BEND2: variants seen among roughly 807,000 people sequenced by gnomAD.
BEND2 encodes the protein BEN domain containing 2.
A neutral mutation model predicts 43.8 loss-of-function variants in BEND2; 19 were observed. The ratio of observed to expected loss-of-function variants is 0.43; its 90% CI spans 0.30 to 0.64. The LOEUF is 0.64. BEND2 is among the 30% of genes least tolerant of loss of function. BEND2 has a pLI of 0.11. For missense variants in BEND2, 544 were observed against 574.0 expected, an observed-to-expected ratio of 0.95 and a Z score of 0.53; for synonymous variants, 226 against 210.1, an observed-to-expected ratio of 1.08 and a Z score of -0.66.
chrX:18,209,956 G>C (rs1413006195), intron 4 of BEND2, among the ~76,000 whole-genome samples: 1 of 111,024 alleles, frequency 9.0e-6, no homozygotes, highest in African/African-American at 3.3e-5. Context: ...GGGAAGCTGT[G>C]TCAAGCATAT....
intron 3 of BEND2, among the ~76,000 whole-genome samples, chrX:18,213,228 GA>G (rs1925565980): frequency 8.9e-6 from 1 of 112,142 alleles, no homozygotes; most frequent in Admixed American, 9.5e-5. Context: ...AAATGGATGT[GA>G]AATGTAAGCC....
At chrX:18,176,216 ACTT>A (rs1267013105) in intron 10 of BEND2, 123 bp from the exon 11 acceptor site, 22 of 531,520 alleles carry the variant, frequency 4.1e-5, no homozygotes, top group Middle Eastern at 1.2e-3. Context: ...CACTCTGGTG[ACTT>A]CTTCTCTTTC....
At chrX:18,181,906 G>A (rs770988121) in intron 8 of BEND2, among the ~76,000 whole-genome samples, 7 of 111,752 alleles carry the variant, frequency 6.3e-5, no homozygotes, top group South Asian at 3.8e-4. Context: ...CAATAATTAC[G>A]TTAAATGTAA....
At chrX:18,184,088 C>T (rs1266059173) in intron 8 of BEND2, among the ~76,000 whole-genome samples, 1 of 111,679 alleles carries the variant, frequency 9.0e-6, no homozygotes, top group Non-Finnish European at 1.9e-5. Flanking sequence ...AGGTCTGACC[C>T]AGCACAGTCC....
At chrX:18,208,157 C>G (rs752973589) in intron 4 of BEND2, among the ~76,000 whole-genome samples, 20 of 111,052 alleles carry the variant, frequency 1.8e-4, no homozygotes, top group African/African-American at 6.5e-4. Flanking sequence ...TGGTTTCTAT[C>G]ATTTTCATCA....
chrX:18,203,370 A>G (rs1925226918), intron 5 of BEND2, 131 bp downstream of exon 5: 1 of 780,701 alleles, frequency 1.3e-6, no homozygotes, highest in East Asian at 3.3e-5. Flanking sequence ...TCTTACAACT[A>G]CATATGAATC....
chrX:18,198,423 A>G (rs1364906790), intron 6 of BEND2, among the ~76,000 whole-genome samples: 5 of 112,091 alleles, frequency 4.5e-5, no homozygotes, highest in Non-Finnish European at 7.5e-5. Flanking sequence ...AAAAGAAGAC[A>G]TTTATGCAGC....
At position 18,177,812 on chromosome X, in the gene BEND2, T is replaced by C. The variant is rs1373751727; in HGVS notation, c.1430-43A>G. ...AAAAGGAACATCCTTGGTTTTGTCATGCAAGGGTACCCTCAAAGTACACAA... is the reference window on the plus strand; with the variant it reads ...AAAAGGAACATCCTTGGTTTTGTCACGCAAGGGTACCCTCAAAGTACACAA... On this transcript the variant is annotated intron_variant, in intron 9 of 13. Transcript: ENST00000380033. The C allele has an allele frequency of 3.2e-5, 34 of 1,076,572 alleles. 2 individuals carry two copies. The highest frequency in any genetic ancestry group is 3.9e-6 in the Non-Finnish European group (3 of 777,845). The allele number at this position is 1,076,572 out of a possible 1,213,427, so 88.7% of individuals were successfully genotyped here.
chrX:18,190,225 G>A (rs959027233), intron 8 of BEND2, among the ~76,000 whole-genome samples: 2 of 111,292 alleles, frequency 1.8e-5, no homozygotes, highest in African/African-American at 6.5e-5. Flanking sequence ...GCACTCTTCG[G>A]CATTTATCAC....
rs1923766103 is a variant in BEND2, at chrX:18,164,307, G to A, written c.*702C>T. ...CCCAAAGTGCTGGGATTACAGGTGT[G>A]AGCCACTACACCCGGTAAATTATCT... is the stretch of plus-strand genomic sequence containing the variant. On this transcript the variant is annotated 3_prime_UTR_variant, in exon 14 of 14. Coordinates refer to ENST00000380033, the MANE Select transcript of BEND2 (RefSeq NM_153346.5). 9.0e-6 allele frequency: 1 copy of A among 111,454 alleles called. No individual in the cohort carries two copies. The highest frequency in any genetic ancestry group is 1.9e-5 in the Non-Finnish European group (1 of 53,164). 9.2% of individuals were successfully genotyped at this position (111,454 alleles called of 1,213,427 possible).
chrX:18,196,542 A>G (rs1184884977), intron 6 of BEND2, among the ~76,000 whole-genome samples: 1 of 109,975 alleles, frequency 9.1e-6, no homozygotes, highest in Non-Finnish European at 1.9e-5. Flanking sequence ...TCCTAATACC[A>G]AAGAGTGGGA....
In BEND2 at chrX:18,203,656, G is replaced by C. The variant is rs1251620504; in HGVS notation, c.752C>G (p.Ala251Gly). The C allele has an allele frequency of 8.3e-7, 1 of 1,211,648 alleles. No homozygotes were observed. Among genetic ancestry groups the C allele is most frequent in the Non-Finnish European group, 1.1e-6 (1 of 895,278 alleles). The change falls in exon 5 of 14, where the codon GCC becomes GGC. Residue 251 changes from alanine (A) to glycine (G), a missense_variant. By Grantham distance (60) the Ala-to-Gly change is moderately conservative (BLOSUM62 0). This residue lies in a region of BEND2 where 501 missense variants were observed against 501.6 expected (regional missense o/e 1.00). Coordinates refer to ENST00000380033, the MANE Select transcript of BEND2 (RefSeq NM_153346.5). The stretch of plus-strand genomic sequence containing the variant: ...CATAGGTACTGCTGTAGTAGCATTG[G>C]CAAATGAGATGACAGCATTGGTACT... ...AESTNAVISFANATTAVPMAV... is the reference protein window; with the variant it reads ...AESTNAVISFGNATTAVPMAV...
chrX:18,207,876 G>A lies in BEND2; in HGVS notation c.493-3961C>T, dbSNP rs747651094. Reference sequence around the variant, plus strand: ...TCTACTAAAAATACAAAAAGTAGCCGGGTGTGGTGGCGCACGCCTGTAATC... The same window carrying A: ...TCTACTAAAAATACAAAAAGTAGCCAGGTGTGGTGGCGCACGCCTGTAATC... On this transcript the variant is annotated intron_variant, in intron 4 of 13. Coordinates refer to ENST00000380033, the MANE Select transcript of BEND2 (RefSeq NM_153346.5). 2.0e-4 allele frequency among the ~76,000 whole-genome samples: 22 copies of A among 111,288 alleles called. No homozygotes were observed. In the South Asian group the frequency reaches 2.6e-3, roughly 13 times the overall value.
chrX:18,192,747 A>G (rs1338417230), intron 7 of BEND2, among the ~76,000 whole-genome samples: 1 of 112,499 alleles, frequency 8.9e-6, no homozygotes, highest in Non-Finnish European at 1.9e-5. Context: ...CATCCATACC[A>G]TGGAATAGTG....
intron 11 of BEND2, among the ~76,000 whole-genome samples, chrX:18,175,195 T>C (rs766541912): frequency 1.8e-5 from 2 of 112,118 alleles, no homozygotes; most frequent in African/African-American, 3.2e-5. Flanking sequence ...GCTTGAGCTA[T>C]CACTGAAATC....
intron 11 of BEND2, among the ~76,000 whole-genome samples, chrX:18,174,735 A>G (rs1924089603): frequency 9.0e-6 from 1 of 111,005 alleles, no homozygotes; most frequent in Non-Finnish European, 1.9e-5. Context: ...TGGTGATGGG[A>G]GTGGGGAGCT....
chrX:18,200,387 T>C (rs1360649143), intron 6 of BEND2, among the ~76,000 whole-genome samples: 3 of 107,574 alleles, frequency 2.8e-5, no homozygotes, highest in Non-Finnish European at 3.8e-5. Flanking sequence ...CTTGTAATCC[T>C]AGCTATTCAG....
intron 3 of BEND2, 22 bp from the exon 4 acceptor site, chrX:18,212,702 A>T: frequency 9.7e-7 from 1 of 1,035,725 alleles, no homozygotes; most frequent in South Asian, 1.9e-5. Flanking sequence ...TGCATTAAAA[A>T]GTTATTTCAT....
chrX:18,195,235 T>C (rs1300050497), intron 7 of BEND2, 61 bp downstream of exon 7: 1 of 1,112,247 alleles, frequency 9.0e-7, no homozygotes, highest in Non-Finnish European at 1.2e-6. Flanking sequence ...GAATTAATAT[T>C]AAGAATGTTG....
Sources: gnomAD v4.1 joint callset for allele counts (sites outside exome capture counted in the v4.1 genomes callset) on GRCh38, gnomAD v4.1.1 for gene constraint, gnomAD v4.1.1 regional missense constraint, MANE v1.5 for transcripts, NCBI Gene and HGNC (gene_info 2026-07-23, HGNC 2026-07-21) for gene names.